Variants in FSHR observed in about 807,000 individuals in gnomAD.
The protein encoded by FSHR is follicle stimulating hormone receptor, also known as follicle-stimulating hormone receptor.
A neutral mutation model predicts 52.1 loss-of-function variants in FSHR; 46 were observed. That is an observed-to-expected ratio of 0.88 (90% CI 0.70 to 1.13). The LOEUF (loss-of-function observed/expected upper bound fraction) is 1.13. Among genes scored for constraint, FSHR ranks in the 50% most tolerant of loss-of-function variants. FSHR has a pLI of 0.00. For synonymous variants in FSHR, 399 were observed against 309.6 expected, an observed-to-expected ratio of 1.29 and a Z score of -3.03; for missense variants, 964 against 834.6, an observed-to-expected ratio of 1.16 and a Z score of -1.91.
At chr2:49,103,710 G>A (rs974896) in intron 1 of FSHR, among the ~76,000 whole-genome samples, 70,820 of 151,902 alleles carry the variant, frequency 0.47, 16,826 homozygotes, top group African/African-American at 0.55. Flanking sequence ...TCTCTAAAGA[G>A]TGTATCTGAT....
chr2:48,999,536 C>T (rs917941), intron 4 of FSHR, among the ~76,000 whole-genome samples: 103,237 of 151,926 alleles, frequency 0.68, 36,712 homozygotes, highest in Admixed American at 0.8. Flanking sequence ...CATAGAATTA[C>T]TATGTCCAAG....
chr2:48,993,307 A>T (rs888132806), intron 4 of FSHR, among the ~76,000 whole-genome samples: 4 of 152,140 alleles, frequency 2.6e-5, no homozygotes, highest in Non-Finnish European at 5.9e-5. Flanking sequence ...TCCCCCCATT[A>T]TCACCTCCAC....
Position 49,019,154 on chromosome 2 carries a change from C to T in FSHR, c.299+932G>A, listed in dbSNP as rs529317028. Among the ~76,000 whole-genome samples the T allele has an allele frequency of 3.9e-5, 6 of 152,286 alleles. No individual in the cohort carries two copies. In the South Asian group the frequency reaches 8.3e-4, roughly 21 times the overall value. On this transcript the variant is annotated intron_variant, in intron 3 of 9. Transcript: ENST00000406846. ...TTCCAGTGACATTAGTTGACAAACACACAATATCCTTCTTGGAGATTCTAA... is the reference window on the plus strand; with the variant it reads ...TTCCAGTGACATTAGTTGACAAACATACAATATCCTTCTTGGAGATTCTAA...
At chr2:48,982,698 C>A (rs548678162) in intron 8 of FSHR, among the ~76,000 whole-genome samples, 3 of 152,330 alleles carry the variant, frequency 2.0e-5, no homozygotes, top group African/African-American at 7.2e-5. Flanking sequence ...TCTGTACGTG[C>A]TCATTACATG....
intron 2 of FSHR, among the ~76,000 whole-genome samples, chr2:49,022,184 A>C (rs758899173): frequency 1.3e-5 from 2 of 152,018 alleles, no homozygotes; most frequent in Non-Finnish European, 2.9e-5. Flanking sequence ...TTAGCAGTAC[A>C]TTTGGTCACC....
intron 2 of FSHR, among the ~76,000 whole-genome samples, chr2:49,051,096 A>G (rs777378302): frequency 6.6e-6 from 1 of 152,062 alleles, no homozygotes; most frequent in African/African-American, 2.4e-5. Flanking sequence ...CTTAGTATTA[A>G]ATTGTGTGGA....
intron 2 of FSHR, among the ~76,000 whole-genome samples, chr2:49,021,845 C>T (rs1442417970): frequency 0.014 from 430 of 30,260 alleles, 6 homozygotes; most frequent in East Asian, 0.067. Flanking sequence ...CTCTCTCTCT[C>T]TCTCTCTCTC....
At chr2:48,971,095 C>G (rs148117661) in intron 8 of FSHR, among the ~76,000 whole-genome samples, 28 of 152,284 alleles carry the variant, frequency 1.8e-4, no homozygotes, top group African/African-American at 6.3e-4. Context: ...TAATGACTCC[C>G]CATTGCTCTT....
At chr2:49,114,007 C>A (rs1270138618) in intron 1 of FSHR, among the ~76,000 whole-genome samples, 1 of 152,102 alleles carries the variant, frequency 6.6e-6, no homozygotes, top group African/African-American at 2.4e-5. Flanking sequence ...GCTCATTTTT[C>A]CAGCTTCCAG....
intron 2 of FSHR, among the ~76,000 whole-genome samples, chr2:49,032,784 A>G (rs1468282909): frequency 2.0e-5 from 3 of 152,192 alleles, no homozygotes; most frequent in Non-Finnish European, 1.5e-5. Flanking sequence ...CAAGCACGCA[A>G]TGCAGCATAC....
At position 48,962,456 on chromosome 2, in the gene FSHR, C is replaced by A; in HGVS notation, c.*277G>T. On this transcript the variant is annotated 3_prime_UTR_variant, in exon 10 of 10. Coordinates refer to ENST00000406846, the MANE Select transcript of FSHR (RefSeq NM_000145.4). ...ACAGGGATCACTTGAGATATCTGAA[C>A]AAAAGCACTTTGAACATAACGTGCA... The A allele has an allele frequency of 2.5e-6, 1 of 405,934 alleles. No individual in the cohort carries two copies. The highest frequency in any genetic ancestry group is 4.6e-6 in the Non-Finnish European group (1 of 219,056). 25.1% of individuals were successfully genotyped at this position (405,934 alleles called of 1,614,324 possible). A position where few individuals can be genotyped will look rare whatever the true frequency, so the allele number is the denominator to read the frequency against.
At chr2:49,093,329 C>G (rs1670685278) in intron 1 of FSHR, among the ~76,000 whole-genome samples, 1 of 152,110 alleles carries the variant, frequency 6.6e-6, no homozygotes, top group Non-Finnish European at 1.5e-5. Context: ...GTGTCTATTC[C>G]TCATTTCAGT....
chr2:49,137,198 G>T (rs1672517533), intron 1 of FSHR, among the ~76,000 whole-genome samples: 1 of 151,994 alleles, frequency 6.6e-6, no homozygotes, highest in Non-Finnish European at 1.5e-5. Context: ...ATCAATTGTA[G>T]TTCTCTGTAC....
chr2:49,138,347 C>T (rs1012169123), intron 1 of FSHR, among the ~76,000 whole-genome samples: 1 of 152,116 alleles, frequency 6.6e-6, no homozygotes, highest in Non-Finnish European at 1.5e-5. Flanking sequence ...CTATTGCACT[C>T]CTAGGTATAC....
rs569815671 is a variant in FSHR at position 49,088,045 on chromosome 2, C to A, written c.153-19755G>T. On this transcript the variant is annotated intron_variant, in intron 1 of 9. Transcript: ENST00000406846. ...ATCATCTTGTGAAATAGGTAACTAT[C>A]CATACTTGTGTCCACTTATAGATGA... Among the ~76,000 whole-genome samples the A allele has an allele frequency of 6.6e-5, 10 of 152,236 alleles. 1 individual carries two copies. Among genetic ancestry groups the A allele is most frequent in the African/African-American group, 2.4e-4 (10 of 41,532 alleles).
chr2:49,061,220 G>A (rs1447536613), intron 2 of FSHR, among the ~76,000 whole-genome samples: 1 of 152,074 alleles, frequency 6.6e-6, no homozygotes, highest in Admixed American at 6.6e-5. Flanking sequence ...AGACCCAGGT[G>A]CCATAACAGG....
chr2:49,107,471 C>G (rs1046123088), intron 1 of FSHR, among the ~76,000 whole-genome samples: 3 of 152,082 alleles, frequency 2.0e-5, no homozygotes, highest in African/African-American at 7.2e-5. Context: ...GGAAAGCAGG[C>G]TCTATATTTC....
At chr2:49,064,586 T>C (rs756554388) in intron 2 of FSHR, among the ~76,000 whole-genome samples, 8 of 152,064 alleles carry the variant, frequency 5.3e-5, no homozygotes, top group Non-Finnish European at 1.2e-4. Context: ...AATTATCTAG[T>C]CTGCAGTATT....
At chr2:49,094,482 A>G (rs1342459926) in intron 1 of FSHR, among the ~76,000 whole-genome samples, 1 of 152,050 alleles carries the variant, frequency 6.6e-6, no homozygotes, top group Non-Finnish European at 1.5e-5. Context: ...TTTCTTCAGG[A>G]TTTCCCAGCT....
Sources: allele counts gnomAD v4.1 joint callset (sites outside exome capture counted in the v4.1 genomes callset), GRCh38; gene constraint gnomAD v4.1.1; transcripts MANE v1.5; gene names NCBI Gene and HGNC (gene_info 2026-07-23, HGNC 2026-07-21).